MTM1: variants seen among roughly 807,000 people sequenced by gnomAD.
MTM1 encodes myotubularin 1, also known as myotubularin.
MTM1 carries 9 observed loss-of-function variants against 52.1 expected under a neutral mutation model. The observed-to-expected ratio is 0.17, with a 90% confidence interval of 0.10 to 0.30. The LOEUF (loss-of-function observed/expected upper bound fraction) is 0.30, where lower values mean the gene tolerates loss of function less well. Among genes scored for constraint, MTM1 ranks in the 10% least tolerant of loss-of-function variants. MTM1 has a pLI of 1.00. For missense variants in MTM1, 277 were observed against 470.7 expected, an observed-to-expected ratio of 0.59 and a Z score of 3.81; for synonymous variants, 136 against 163.8, an observed-to-expected ratio of 0.83 and a Z score of 1.29.
intron 14 of MTM1, among the ~76,000 whole-genome samples, chrX:150,664,765 G>T (rs222414): frequency 0.32 from 36,114 of 111,466 alleles, 6,354 homozygotes; most frequent in African/African-American, 0.69. Flanking sequence ...ATTAAAAAAT[G>T]TTTTTATAGA....
intron 6 of MTM1, among the ~76,000 whole-genome samples, chrX:150,630,902 G>C (rs782022377): frequency 1.8e-5 from 2 of 111,811 alleles, no homozygotes; most frequent in African/African-American, 3.3e-5. Context: ...GTTGAAATTC[G>C]GGGGAAACCA....
At chrX:150,645,550 T>C in intron 8 of MTM1, 133 bp from the exon 9 acceptor site, 1 of 587,176 alleles carries the variant, frequency 1.7e-6, no homozygotes, top group South Asian at 2.7e-5. Flanking sequence ...AGATTGCAAG[T>C]GAACAAGTAT....
Position 150,671,717 on chromosome X carries a change from T to C in MTM1, c.*122T>C, listed in dbSNP as rs2040400590. 4 of 771,767 alleles carry C rather than the reference T, an allele frequency of 5.2e-6. No individual in the cohort carries two copies. The Admixed American group carries it at 1.1e-4, about 21-fold the overall frequency. The allele number at this position is 771,767 out of a possible 1,213,427, so 63.6% of individuals were successfully genotyped here. On this transcript the variant is annotated 3_prime_UTR_variant, in exon 15 of 15. Transcript: ENST00000370396. ...ATGTAGAACTTGAACTAACATAATC[T>C]TAAACTCTTGAATATGTGCCTTCTA...
chrX:150,625,867 C>G (rs2039560329), intron 6 of MTM1, among the ~76,000 whole-genome samples: 1 of 112,536 alleles, frequency 8.9e-6, no homozygotes, highest in Admixed American at 9.3e-5. Context: ...GTAACTTGCT[C>G]TTGGTAACTC....
chrX:150,629,113 T>G (rs1557413485), intron 6 of MTM1, among the ~76,000 whole-genome samples: 1 of 111,616 alleles, frequency 9.0e-6, no homozygotes, highest in Non-Finnish European at 1.9e-5. Flanking sequence ...CTGTCTCCTA[T>G]CCCTTGCCCG....
At chrX:150,641,113 T>C (rs782492535) in intron 7 of MTM1, among the ~76,000 whole-genome samples, 156 bp from the exon 8 acceptor site, 3 of 112,185 alleles carry the variant, frequency 2.7e-5, no homozygotes, top group Non-Finnish European at 3.8e-5. Context: ...GTCTGGATTA[T>C]TGATTTGGCA....
intron 7 of MTM1, among the ~76,000 whole-genome samples, chrX:150,639,621 A>G (rs781869333): frequency 5.2e-4 from 58 of 112,338 alleles, no homozygotes; most frequent in Non-Finnish European, 9.8e-4. Flanking sequence ...GTTCAGGAAC[A>G]AAAGTCTCTT....
chrX:150,609,646 C>T (rs1450163525), intron 4 of MTM1, among the ~76,000 whole-genome samples: 4 of 111,590 alleles, frequency 3.6e-5, no homozygotes, highest in East Asian at 2.8e-4. Flanking sequence ...CTAAAACCCC[C>T]TCCTGTGTTC....
intron 9 of MTM1, among the ~76,000 whole-genome samples, chrX:150,647,549 G>A (rs1365018942): frequency 1.8e-5 from 2 of 111,700 alleles, no homozygotes; most frequent in African/African-American, 3.3e-5. Context: ...CAACAGGCCC[G>A]TAGACCTTTA....
intron 10 of MTM1, among the ~76,000 whole-genome samples, chrX:150,652,658 TACAC>T (rs377592464): frequency 0.021 from 1,759 of 82,413 alleles, 39 homozygotes; most frequent in Admixed American, 0.072. Flanking sequence ...TATATATATA[TACAC>T]ACACACACAC....
intron 4 of MTM1, 84 bp downstream of exon 4, chrX:150,598,770 C>A: frequency 1.5e-6 from 1 of 670,200 alleles, no homozygotes; most frequent in Non-Finnish European, 2.3e-6. Context: ...GCAAGATTGA[C>A]TGTGGGTCAA....
Position 150,651,728 on chromosome X carries a change from C to G in MTM1, c.1053+1827C>G, listed in dbSNP as rs1238290177. ...GCAGTCAGCTATTGGGCAACAAACG[C>G]AAGCAAAGCCCTTTAATGTAGATTC... is the stretch of plus-strand genomic sequence containing the variant. On this transcript the variant is annotated intron_variant, in intron 10 of 14. Transcript: ENST00000370396. 6.3e-5 allele frequency among the ~76,000 whole-genome samples: 7 copies of G among 110,477 alleles called. No individual in the cohort carries two copies. In the Admixed American group the frequency reaches 6.8e-4, roughly 11 times the overall value.
chrX:150,597,709 C>T (rs939245573), intron 3 of MTM1, among the ~76,000 whole-genome samples: 2 of 111,316 alleles, frequency 1.8e-5, no homozygotes, highest in African/African-American at 6.5e-5. Context: ...TTTATTCTAC[C>T]AAAGATGTAC....
chrX:150,641,661 G>T (rs991992525), intron 8 of MTM1, among the ~76,000 whole-genome samples: 9 of 111,492 alleles, frequency 8.1e-5, no homozygotes, highest in African/African-American at 2.9e-4. Context: ...GAGAGGGGCT[G>T]CAAGTAATGG....
At chrX:150,654,026 T>C (rs781840674) in intron 10 of MTM1, among the ~76,000 whole-genome samples, 52 of 111,739 alleles carry the variant, frequency 4.7e-4, no homozygotes, top group Non-Finnish European at 8.8e-4. Flanking sequence ...TGGAATGAGG[T>C]TTCAGGCCCA....
chrX:150,606,962 C>T (rs1222904371), intron 4 of MTM1, among the ~76,000 whole-genome samples: 2 of 72,902 alleles, frequency 2.7e-5, no homozygotes, highest in African/African-American at 9.8e-5. Context: ...CCCTCCCCTC[C>T]CCCTCCCCTC....
In MTM1 at chrX:150,638,979, G is replaced by A. The variant is rs782744530; in HGVS notation, c.481G>A (p.Val161Met). The A allele has an allele frequency of 2.2e-5, 26 of 1,207,333 alleles. No homozygotes were observed. Among genetic ancestry groups the A allele is most frequent in the Admixed American group, 1.1e-4 (5 of 45,740 alleles). The change falls in exon 7 of 15, where the codon GTG becomes ATG. Residue 161 changes from valine to methionine, a missense_variant. Val to Met is a conservative substitution (Grantham distance 21). Transcript: ENST00000370396. Reference protein sequence around the residue: ...FAFLNEEKFNVDGWTVYNPVE... With the variant: ...FAFLNEEKFNMDGWTVYNPVE... ...ATTTTTAAATGAAGAAAAGTTTAAC[G>A]TGGATGGATGGACAGTTTACAATCC...
In MTM1 at chrX:150,617,917, C is replaced by T. The variant is rs960700750; in HGVS notation, c.343-1121C>T. On this transcript the variant is annotated intron_variant, in intron 5 of 14. Coordinates refer to ENST00000370396, the MANE Select transcript of MTM1 (RefSeq NM_000252.3). ...GCAGAGCCATCACTCAGTCACAGCA[C>T]TGTAATTGACTTTTTTTTTTAAGAT... Among the ~76,000 whole-genome samples, 22 of 111,354 alleles carry T rather than the reference C, an allele frequency of 2.0e-4. 1 individual carries two copies. The highest frequency in any genetic ancestry group is 9.3e-3 in the Middle Eastern group (2 of 215).
intron 9 of MTM1, among the ~76,000 whole-genome samples, chrX:150,648,654 A>G (rs1452408412): frequency 1.8e-5 from 2 of 113,139 alleles, no homozygotes; most frequent in Admixed American, 1.9e-4. Flanking sequence ...AAATGAAACC[A>G]TAGCATCTCT....
Sources: gnomAD v4.1 joint callset for allele counts (sites outside exome capture counted in the v4.1 genomes callset) on GRCh38, gnomAD v4.1.1 for gene constraint, MANE v1.5 for transcripts, NCBI Gene and HGNC (gene_info 2026-07-23, HGNC 2026-07-21) for gene names.